CNIH3: variants seen among roughly 807,000 people sequenced by gnomAD.
CNIH3 encodes protein cornichon homolog 3.
Under a neutral mutation model 24.1 loss-of-function variants are expected in CNIH3, and 14 were observed. The observed-to-expected ratio is 0.58, with a 90% CI of 0.38 to 0.91. The LOEUF (loss-of-function observed/expected upper bound fraction) is 0.91. CNIH3 is among the 40% of genes least tolerant of loss of function. The pLI, the probability that CNIH3 is intolerant of heterozygous loss-of-function variation, is 0.00. For synonymous variants in CNIH3, 68 were observed against 73.8 expected (o/e 0.92, Z 0.40); for missense variants, 178 against 196.8 (o/e 0.90, Z 0.57).
At chr1:224,660,514 T>C (rs553910383) in intron 1 of CNIH3, among the ~76,000 whole-genome samples, 13 of 146,554 alleles carry the variant, frequency 8.9e-5, no homozygotes, top group Non-Finnish European at 1.8e-4. Flanking sequence ...ATATACAATT[T>C]TTTTTTTCAG....
rs535011621 is a variant in CNIH3 at position 224,545,549 on chromosome 1, G to A, written n.340-1280G>A. ...GTCTGTGTGTCCCTCCTCTTTTCAG[G>A]TCACATTAAGCTTAGGTGTCGGGTT... On this transcript the variant is annotated intron_variant and non_coding_transcript_variant, in intron 2 of 5. Coordinates refer to the CNIH3 transcript ENST00000471578. 6.6e-5 allele frequency among the ~76,000 whole-genome samples: 10 copies of A among 152,184 alleles called. No individual in the cohort carries two copies. The South Asian group carries it at 1.9e-3, about 28-fold the overall frequency.
At chr1:224,534,378 G>T (rs962731407) in intron 2 of CNIH3, among the ~76,000 whole-genome samples, 16 of 152,278 alleles carry the variant, frequency 1.1e-4, no homozygotes, top group African/African-American at 3.4e-4. Flanking sequence ...GGTAAAACTT[G>T]TTCATCAAAA....
At chr1:224,609,343 G>T (rs140858281) in intron 3 of CNIH3, among the ~76,000 whole-genome samples, 1 of 152,230 alleles carries the variant, frequency 6.6e-6, no homozygotes, top group African/African-American at 2.4e-5. Context: ...AACACTCAAA[G>T]AACCCCAATT....
intron 4 of CNIH3, among the ~76,000 whole-genome samples, chr1:224,581,659 G>A (rs556541080): frequency 1.2e-4 from 19 of 152,260 alleles, no homozygotes; most frequent in Admixed American, 1.1e-3. Context: ...TTGGCATCAT[G>A]AGAGAAAAAA....
chr1:224,527,230 T>C (rs1314981694), intron 2 of CNIH3, among the ~76,000 whole-genome samples: 1 of 152,196 alleles, frequency 6.6e-6, no homozygotes, highest in Non-Finnish European at 1.5e-5. Context: ...GGGCTTGTAC[T>C]GCTGAGGGAG....
chr1:224,571,497 G>A (rs1680813834), intron 4 of CNIH3, among the ~76,000 whole-genome samples: 1 of 152,098 alleles, frequency 6.6e-6, no homozygotes, highest in African/African-American at 2.4e-5. Context: ...GGCTGAGGTG[G>A]ACGGATCACT....
At chr1:224,573,963 A>G (rs1298611718) in intron 4 of CNIH3, among the ~76,000 whole-genome samples, 3 of 152,112 alleles carry the variant, frequency 2.0e-5, no homozygotes. Context: ...AGGGTCTCAC[A>G]GTGTTGCCCA....
At chr1:224,438,864 C>T (rs781087046) in intron 1 of CNIH3, among the ~76,000 whole-genome samples, 13 of 151,992 alleles carry the variant, frequency 8.6e-5, no homozygotes, top group East Asian at 1.9e-4. Context: ...CATGAGATAA[C>T]GAATATAACA....
intron 2 of CNIH3, among the ~76,000 whole-genome samples, chr1:224,523,729 C>T (rs1678733487): frequency 6.6e-6 from 1 of 152,136 alleles, no homozygotes; most frequent in Non-Finnish European, 1.5e-5. Flanking sequence ...TAAAAAGTCT[C>T]CTAATCATAG....
chr1:224,628,145 A>G (rs1006841753), intron 1 of CNIH3, among the ~76,000 whole-genome samples: 1 of 151,852 alleles, frequency 6.6e-6, no homozygotes, highest in Non-Finnish European at 1.5e-5. Flanking sequence ...CTCTAGTTCT[A>G]TCCTGCTTCT....
At chr1:224,510,561 C>T (rs1022926335) in intron 1 of CNIH3, among the ~76,000 whole-genome samples, 1 of 146,888 alleles carries the variant, frequency 6.8e-6, no homozygotes, top group African/African-American at 2.5e-5. Flanking sequence ...CATGCCACTG[C>T]ACTCCAGCCT....
At position 224,486,050 on chromosome 1, in the gene CNIH3, A is replaced by G. The variant is rs143938499; in HGVS notation, n.204-29691A>G. Among the ~76,000 whole-genome samples the G allele has an allele frequency of 3.5e-3, 530 of 152,132 alleles. 1 individual carries two copies. The highest frequency in any genetic ancestry group is 0.017 in the Middle Eastern group (5 of 294). ...TGAGGATGCATACGATATGAAAACT[A>G]TCAGTCTCCAGTGATTTCCAGGGGT... On this transcript the variant is annotated intron_variant and non_coding_transcript_variant, in intron 1 of 5. Transcript: ENST00000471578.
chr1:224,577,244 A>G (rs1293013174), intron 4 of CNIH3, among the ~76,000 whole-genome samples: 1 of 152,220 alleles, frequency 6.6e-6, no homozygotes, highest in African/African-American at 2.4e-5. Context: ...GCACAGCAAA[A>G]GAAATAATCA....
intron 2 of CNIH3, among the ~76,000 whole-genome samples, chr1:224,533,896 G>A (rs983559004): frequency 1.3e-5 from 2 of 152,232 alleles, no homozygotes; most frequent in Non-Finnish European, 2.9e-5. Context: ...TGGGAGCAGT[G>A]GCTTGCGCTT....
chr1:224,701,640 T>C (rs928572868), intron 3 of CNIH3, among the ~76,000 whole-genome samples: 91 of 152,200 alleles, frequency 6.0e-4, no homozygotes, highest in African/African-American at 1.9e-3. Flanking sequence ...AGTGTTTTTT[T>C]CTATAACAAC....
chr1:224,554,757 T>G (rs748637363), intron 3 of CNIH3, among the ~76,000 whole-genome samples: 20 of 151,954 alleles, frequency 1.3e-4, no homozygotes, highest in Non-Finnish European at 2.8e-4. Context: ...ATAATAATCA[T>G]TATTGTTTTT....
chr1:224,596,103 C>G (rs554999714), intron 3 of CNIH3, among the ~76,000 whole-genome samples: 81 of 152,322 alleles, frequency 5.3e-4, no homozygotes, highest in African/African-American at 1.9e-3. Context: ...GATGAAACAG[C>G]CTTCTCTTGG....
intron 1 of CNIH3, among the ~76,000 whole-genome samples, chr1:224,671,685 T>G (rs1364663930): frequency 6.6e-6 from 1 of 152,218 alleles, no homozygotes; most frequent in African/African-American, 2.4e-5. Flanking sequence ...ATAAAACATG[T>G]GAAAACACTT....
chr1:224,640,364 C>T (rs1212757389), intron 1 of CNIH3, among the ~76,000 whole-genome samples: 2 of 152,226 alleles, frequency 1.3e-5, no homozygotes, highest in African/African-American at 4.8e-5. Flanking sequence ...GACGCTGTGA[C>T]TCCCTCTTCA....
Sources: gnomAD v4.1 joint callset for allele counts (sites outside exome capture counted in the v4.1 genomes callset) on GRCh38, gnomAD v4.1.1 for gene constraint, MANE v1.5 for transcripts, NCBI Gene and HGNC (gene_info 2026-07-23, HGNC 2026-07-21) for gene names.